The following NQO2 variants were observed in gnomAD, a reference collection of about 807,000 sequenced individuals.
The protein encoded by NQO2 is ribosyldihydronicotinamide dehydrogenase [quinone].
In NQO2, 18 loss-of-function variants were observed where a neutral mutation model predicts 22.0. That is an observed-to-expected ratio of 0.82 (90% CI 0.56 to 1.21). NQO2 has a LOEUF of 1.21. Ranked by LOEUF, NQO2 falls within the 50% of genes most tolerant of loss-of-function variation. The pLI is 0.00. For synonymous variants in NQO2, 106 were observed against 110.8 expected, an observed-to-expected ratio of 0.96 and a Z score of 0.28; for missense variants, 267 against 286.9, an observed-to-expected ratio of 0.93 and a Z score of 0.50.
rs17136117 is a variant in NQO2, at chr6:3,010,103, A to G, written c.86A>G (p.Glu29Gly). ...NGSLKNVAVD[E>G]LSRQGCTVTV... is the part of the protein sequence containing the mutation. ...TCCTTGAAGAATGTGGCTGTAGATG[A>G]ACTGAGCAGGCAGGGCTGCACCGTC... Residue 29 changes from glutamate (E) to glycine (G), a missense_variant, in exon 3 of 7, where the codon GAA becomes GGA. Physicochemically the swap from Glu to Gly is moderately conservative, Grantham distance 98. Coordinates refer to ENST00000380455, the MANE Select transcript of NQO2 (RefSeq NM_000904.6). The G allele has an allele frequency of 0.016, 25,215 of 1,613,960 alleles. 432 individuals are homozygous for G. The highest frequency in any genetic ancestry group is 0.063 in the South Asian group (5,717 of 91,022).
At position 3,006,414 on chromosome 6, in the gene NQO2, T is replaced by C. The variant is rs1756950721; in HGVS notation, c.-85-54T>C. 1 of 1,506,584 alleles carries C rather than the reference T, an allele frequency of 6.6e-7. No homozygotes were observed. Among genetic ancestry groups the C allele is most frequent in the Non-Finnish European group, 8.8e-7 (1 of 1,130,970 alleles). 93.3% of individuals were successfully genotyped at this position (1,506,584 alleles called of 1,614,324 possible). On this transcript the variant is annotated intron_variant, in intron 1 of 6. Coordinates refer to ENST00000380455, the MANE Select transcript of NQO2 (RefSeq NM_000904.6). This position sits in a 1 kb window ranked among gnomAD's most constrained non-coding sequence, Gnocchi z 4.0. ...AGCAGTGATGCCTAGATGTGGTACATTCGACCTCACCTATGCCTCTCCCCA... is the reference window on the plus strand; with the variant it reads ...AGCAGTGATGCCTAGATGTGGTACACTCGACCTCACCTATGCCTCTCCCCA...
intron 4 of NQO2, 27 bp downstream of exon 4, chr6:3,012,701 G>A: frequency 6.2e-7 from 1 of 1,601,062 alleles, no homozygotes; most frequent in Non-Finnish European, 8.5e-7. Context: ...TTAATATATT[G>A]AATCAGATTC....
intron 6 of NQO2, among the ~76,000 whole-genome samples, chr6:3,018,929 C>G (rs1309716809): frequency 6.6e-6 from 1 of 151,378 alleles, no homozygotes; most frequent in Non-Finnish European, 1.5e-5. Flanking sequence ...ATCCCTCCCA[C>G]CTCAGAAAGA....
At chr6:3,003,817 A>T (rs1299500120) in intron 1 of NQO2, 1 of 949,016 alleles carries the variant, frequency 1.1e-6, no homozygotes, top group Admixed American at 6.4e-5. Flanking sequence ...CTGTGCCTGG[A>T]GCACTTTCAG....
At chr6:3,014,211 C>G (rs1757247603) in intron 4 of NQO2, among the ~76,000 whole-genome samples, 1 of 152,190 alleles carries the variant, frequency 6.6e-6, no homozygotes, top group Non-Finnish European at 1.5e-5. Flanking sequence ...AGAGGGCTGC[C>G]TCATCCCTGC....
intron 1 of NQO2, chr6:3,004,455 C>T: frequency 2.0e-6 from 2 of 986,102 alleles, no homozygotes; most frequent in South Asian, 9.4e-5. Context: ...AACTCAGCTT[C>T]AGCCACAATG....
At position 3,015,170 on chromosome 6, in the gene NQO2, G is replaced by A. The variant is rs780433191; in HGVS notation, c.304-360G>A. 20 of 1,313,084 alleles carry A rather than the reference G, an allele frequency of 1.5e-5. No individual in the cohort carries two copies. The East Asian group carries it at 7.7e-4, about 50-fold the overall frequency. The allele number at this position is 1,313,084 out of a possible 1,614,324, so 81.3% of individuals were successfully genotyped here. A position where few individuals can be genotyped will look rare whatever the true frequency, so the allele number is the denominator to read the frequency against. On this transcript the variant is annotated intron_variant, in intron 4 of 6. Transcript: ENST00000380455. ...TGCTAACAACACACCCCAGGCAGGC[G>A]AAGGGGCATGCTTTTCCATACTCTT...
chr6:3,007,620 A>C (rs185077261), intron 2 of NQO2, among the ~76,000 whole-genome samples: 2 of 152,376 alleles, frequency 1.3e-5, no homozygotes, highest in African/African-American at 4.8e-5. Context: ...CGAAGTCAGT[A>C]TATAAGCCTG....
chr6:3,016,876 C>T lies in NQO2; in HGVS notation c.418-8C>T, dbSNP rs1265106014. The T allele has an allele frequency of 2.5e-6, 4 of 1,613,192 alleles. No homozygotes were observed. Among genetic ancestry groups the T allele is most frequent in the Admixed American group, 1.7e-5 (1 of 60,010 alleles). ...TCCACACAAATGCATCTGCTTTCTCCCTTGCAGGGTAAACTAGCGCTCCTT... is the reference window on the plus strand; with the variant it reads ...TCCACACAAATGCATCTGCTTTCTCTCTTGCAGGGTAAACTAGCGCTCCTT... On this transcript the variant is annotated splice_polypyrimidine_tract_variant and splice_region_variant and intron_variant, in intron 5 of 6. Transcript: ENST00000380455.
intron 4 of NQO2, 22 bp downstream of exon 4, chr6:3,012,696 A>G (rs1270702624): frequency 1.4e-5 from 23 of 1,605,064 alleles, no homozygotes; most frequent in Non-Finnish European, 2.0e-5. Context: ...TCTAATTAAT[A>G]TATTGAATCA....
chr6:3,019,449 A>G, intron 6 of NQO2, 30 bp from the exon 7 acceptor site: 1 of 1,594,080 alleles, frequency 6.3e-7, no homozygotes, highest in Non-Finnish European at 8.6e-7. Context: ...GTAGTTTCTA[A>G]TGAGTTCTTT....
intron 3 of NQO2, among the ~76,000 whole-genome samples, chr6:3,010,417 TA>T: frequency 6.6e-6 from 1 of 151,536 alleles, no homozygotes; most frequent in Admixed American, 6.6e-5. Flanking sequence ...AAGCAGACGG[TA>T]AGAGATTGGA....
At chr6:3,015,169 C>T (rs369469580) in intron 4 of NQO2, 122 of 1,311,290 alleles carry the variant, frequency 9.3e-5, no homozygotes, top group Middle Eastern at 4.1e-4. Context: ...CCCAGGCAGG[C>T]GAAGGGGCAT....
chr6:3,014,127 C>T (rs1475549805), intron 4 of NQO2, among the ~76,000 whole-genome samples: 1 of 152,232 alleles, frequency 6.6e-6, no homozygotes, highest in Non-Finnish European at 1.5e-5. Flanking sequence ...CATGTGACCA[C>T]TTTCCAGACA....
intron 3 of NQO2, among the ~76,000 whole-genome samples, chr6:3,012,072 G>A (rs188983423): frequency 6.6e-6 from 1 of 152,264 alleles, no homozygotes; most frequent in Admixed American, 6.5e-5. Flanking sequence ...AAGTCTAACA[G>A]ACAAATCTAT....
chr6:3,015,262 TC>T, intron 4 of NQO2: 1 of 1,434,818 alleles, frequency 7.0e-7, no homozygotes, highest in Non-Finnish European at 9.2e-7. Context: ...CCTCGTCCCC[TC>T]CCTGCCTGCC....
rs1477428371 is a variant in NQO2, at chr6:3,019,605, T to C, written c.646T>C (p.Trp216Arg). The C allele has an allele frequency of 6.2e-7, 1 of 1,614,102 alleles. No individual in the cohort carries two copies. Among genetic ancestry groups the C allele is most frequent in the East Asian group, 2.2e-5 (1 of 44,890 alleles). The part of the protein sequence containing the change: ...AAWSQRLQTI[W>R]KEEPIPCTAH... ...GTGGTCCCAGAGGCTGCAGACCATC[T>C]GGAAGGAAGAGCCCATCCCCTGCAC... Residue 216 changes from tryptophan to arginine, a missense_variant, in exon 7 of 7, where the codon TGG (tryptophan) becomes CGG (arginine). Transcript: ENST00000380455.
rs530357781 is a variant in NQO2 at position 3,005,620 on chromosome 6, G to A, written c.-85-848G>A. The A allele has an allele frequency of 1.3e-4, 124 of 984,990 alleles. 1 individual carries two copies. In the South Asian group the frequency reaches 5.3e-3, roughly 42 times the overall value. 61.0% of individuals were successfully genotyped at this position (984,990 alleles called of 1,614,324 possible). A position where few individuals can be genotyped will look rare whatever the true frequency, so the allele number is the denominator to read the frequency against. On this transcript the variant is annotated intron_variant, in intron 1 of 6. Transcript: ENST00000380455. Reference sequence around the variant, plus strand: ...GTTGTTGTTAAGTTTTATCTGAGCTGTTTTTTTATGGTAGGGAGAGTGGGT... The same window carrying A: ...GTTGTTGTTAAGTTTTATCTGAGCTATTTTTTTATGGTAGGGAGAGTGGGT...
intron 6 of NQO2, among the ~76,000 whole-genome samples, chr6:3,018,379 C>T (rs1309357884): frequency 6.6e-6 from 1 of 152,190 alleles, no homozygotes; most frequent in Non-Finnish European, 1.5e-5. Flanking sequence ...GTGGCGGACA[C>T]CTGTAGTCCC....
Sources: allele counts gnomAD v4.1 joint callset (sites outside exome capture counted in the v4.1 genomes callset), GRCh38; gene constraint gnomAD v4.1.1; non-coding constraint Gnocchi (gnomAD v3.1); transcripts MANE v1.5; gene names NCBI Gene and HGNC (gene_info 2026-07-23, HGNC 2026-07-21).